PAX2: variants seen among roughly 807,000 people sequenced by gnomAD.
The protein encoded by PAX2 is paired box protein Pax-2.
PAX2 carries 9 observed loss-of-function variants against 41.7 expected under a neutral mutation model. That is an observed-to-expected ratio of 0.22 (90% CI 0.13 to 0.38). The LOEUF (loss-of-function observed/expected upper bound fraction) is 0.38. Among genes scored for constraint, PAX2 ranks in the 10% least tolerant of loss-of-function variants. The pLI is 1.00. For synonymous variants in PAX2, 221 were observed against 212.7 expected (o/e 1.04, Z -0.34); for missense variants, 418 against 531.6 (o/e 0.79, Z 2.10).
intron 5 of PAX2, among the ~76,000 whole-genome samples, chr10:100,782,057 G>A (rs748172624): frequency 1.5e-4 from 23 of 152,260 alleles, no homozygotes; most frequent in Admixed American, 5.2e-4. Context: ...TTCAAATGTC[G>A]TGACATTGGG....
chr10:100,768,999 A>G (rs1432327849), intron 3 of PAX2, among the ~76,000 whole-genome samples: 1 of 152,258 alleles, frequency 6.6e-6, no homozygotes, highest in Non-Finnish European at 1.5e-5. Flanking sequence ...TGCTTTTACT[A>G]TTATTAGATT....
At chr10:100,766,217 C>T (rs1846024526) in intron 3 of PAX2, among the ~76,000 whole-genome samples, 1 of 152,210 alleles carries the variant, frequency 6.6e-6, no homozygotes, top group South Asian at 2.1e-4. Flanking sequence ...GAAGTGCAGG[C>T]ACAGGCAATC....
chr10:100,811,296 C>G (rs1457322920), intron 7 of PAX2, among the ~76,000 whole-genome samples: 1 of 152,226 alleles, frequency 6.6e-6, no homozygotes, highest in Non-Finnish European at 1.5e-5. Context: ...AGTTATTGAT[C>G]TTTGTTGATT....
At chr10:100,815,461 C>A (rs536615925) in intron 7 of PAX2, among the ~76,000 whole-genome samples, 8 of 152,284 alleles carry the variant, frequency 5.3e-5, no homozygotes, top group Admixed American at 5.2e-4. Flanking sequence ...GCTCACATGC[C>A]CTAGACCCTT....
Position 100,746,192 on chromosome 10 carries a change from G to C in PAX2, c.-69G>C. 3 of 1,601,422 alleles carry C rather than the reference G, an allele frequency of 1.9e-6. No homozygotes were observed. The highest frequency in any genetic ancestry group is 2.6e-6 in the Non-Finnish European group (3 of 1,173,284). ...CACCGTCCCTCCCTTTTCTCCTCAAGTCCTGAAGTTGAGTTTGAGAGGCGA... is the reference window on the plus strand; with the variant it reads ...CACCGTCCCTCCCTTTTCTCCTCAACTCCTGAAGTTGAGTTTGAGAGGCGA... On this transcript the variant is annotated 5_prime_UTR_variant, in exon 1 of 10. Coordinates refer to ENST00000355243, the MANE Select transcript of PAX2 (RefSeq NM_000278.5).
chr10:100,809,147 T>G lies in PAX2; in HGVS notation c.830T>G (p.Leu277Arg). Residue 277 changes from leucine (L) to arginine (R), a missense_variant, in exon 7 of 10, where the codon CTT becomes CGT. Transcript: ENST00000355243. ...EYSLPALTPG[L>R]DEVKSSLSAS... ...TCCCTCCCAGCCCTGACCCCTGGGC[T>G]TGATGAAGTCAAGTCGAGTCTATCT... 1 of 1,613,586 alleles carries G rather than the reference T, an allele frequency of 6.2e-7. No homozygotes were observed. Among genetic ancestry groups the G allele is most frequent in the Non-Finnish European group, 8.5e-7 (1 of 1,179,576 alleles).
chr10:100,780,544 G>A (rs1846576742), intron 4 of PAX2, among the ~76,000 whole-genome samples: 1 of 152,162 alleles, frequency 6.6e-6, no homozygotes, highest in African/African-American at 2.4e-5. Flanking sequence ...TGCTGGGAGG[G>A]AGGGTTGGGC....
intron 7 of PAX2, among the ~76,000 whole-genome samples, chr10:100,820,535 A>T (rs1156866963): frequency 1.3e-5 from 2 of 152,160 alleles, no homozygotes; most frequent in Non-Finnish European, 2.9e-5. Flanking sequence ...CCTGGCCAAC[A>T]TGGTGAAACC....
At chr10:100,805,386 G>T (rs539621829) in intron 5 of PAX2, among the ~76,000 whole-genome samples, 1 of 152,334 alleles carries the variant, frequency 6.6e-6, no homozygotes, top group South Asian at 2.1e-4. Context: ...CTGGTCTTGG[G>T]CTGAGGGAAG....
chr10:100,794,133 A>G (rs1250209889), intron 5 of PAX2, among the ~76,000 whole-genome samples: 3 of 152,238 alleles, frequency 2.0e-5, no homozygotes, highest in Admixed American at 1.3e-4. Context: ...GCCACTCACC[A>G]TAGAACTCTT....
At chr10:100,771,831 A>ATTATTTT (rs1846221949) in intron 3 of PAX2, among the ~76,000 whole-genome samples, 1 of 151,488 alleles carries the variant, frequency 6.6e-6, no homozygotes, top group African/African-American at 2.4e-5. Flanking sequence ...TTTCTAAGAC[A>ATTATTTT]CAGTCTCGCT....
upstream of PAX2, among the ~76,000 whole-genome samples, chr10:100,744,194 C>T (rs1589803238): frequency 6.6e-6 from 1 of 152,276 alleles, no homozygotes; most frequent in East Asian, 1.9e-4. Context: ...AGCGCGAGTC[C>T]GCCGCGCTTC....
chr10:100,767,015 C>T (rs1846052970), intron 3 of PAX2, among the ~76,000 whole-genome samples: 1 of 152,224 alleles, frequency 6.6e-6, no homozygotes, highest in Non-Finnish European at 1.5e-5. Flanking sequence ...AGTGCAGCCA[C>T]CTCAATACAA....
intron 5 of PAX2, among the ~76,000 whole-genome samples, chr10:100,805,427 G>C (rs973688646): frequency 4.6e-5 from 7 of 152,152 alleles, no homozygotes; most frequent in African/African-American, 1.7e-4. Context: ...ATGGGGTTTG[G>C]GGGGGAAACC....
At chr10:100,819,547 G>A (rs1450442178) in intron 7 of PAX2, among the ~76,000 whole-genome samples, 3 of 152,202 alleles carry the variant, frequency 2.0e-5, no homozygotes, top group Non-Finnish European at 2.9e-5. Context: ...TCCAGCCTGG[G>A]TGACGAGAGC....
At chr10:100,737,819 A>T (rs1263234603) in intron 1 of PAX2, among the ~76,000 whole-genome samples, 3 of 152,106 alleles carry the variant, frequency 2.0e-5, no homozygotes, top group Non-Finnish European at 4.4e-5. Context: ...GAGGCGCGTG[A>T]CCGAACGTGC....
intron 5 of PAX2, among the ~76,000 whole-genome samples, chr10:100,782,100 T>TG (rs1846656456): frequency 1.3e-5 from 2 of 152,166 alleles, no homozygotes; most frequent in South Asian, 4.1e-4. Context: ...TCTCTTCTGA[T>TG]GCGTGAAGCT....
chr10:100,789,040 A>G (rs1236395618), intron 5 of PAX2, among the ~76,000 whole-genome samples: 2 of 151,952 alleles, frequency 1.3e-5, no homozygotes, highest in Non-Finnish European at 2.9e-5. Flanking sequence ...CTCCTCCCAG[A>G]CCCTGGTTCA....
At chr10:100,744,453 G>A (rs1010521373), upstream of PAX2, among the ~76,000 whole-genome samples, 5 of 152,234 alleles carry the variant, frequency 3.3e-5, no homozygotes, top group African/African-American at 4.8e-5. Flanking sequence ...GGCTTCTTCT[G>A]CCTGGTGCGT....
Sources: allele counts gnomAD v4.1 joint callset (sites outside exome capture counted in the v4.1 genomes callset), GRCh38; gene constraint gnomAD v4.1.1; transcripts MANE v1.5; gene names NCBI Gene and HGNC (gene_info 2026-07-23, HGNC 2026-07-21).